Variants in HS3ST5 observed in about 807,000 individuals in gnomAD.
The protein encoded by HS3ST5 is heparan sulfate glucosamine 3-O-sulfotransferase 5.
HS3ST5 carries 10 observed loss-of-function variants against 25.4 expected under a neutral mutation model. That is an observed-to-expected ratio of 0.39 (90% CI 0.24 to 0.67). HS3ST5 has a LOEUF of 0.67. HS3ST5 is among the 30% of genes least tolerant of loss of function. The pLI is 0.44. For missense variants in HS3ST5, 324 were observed against 420.7 expected (o/e 0.77, Z 2.01); for synonymous variants, 170 against 162.4 (o/e 1.05, Z -0.36).
chr6:114,110,741 G>A (rs1448671043), intron 3 of HS3ST5, among the ~76,000 whole-genome samples: 1 of 152,122 alleles, frequency 6.6e-6, no homozygotes, highest in Non-Finnish European at 1.5e-5. Context: ...AGACAGGTGA[G>A]GCTATTAAAA....
intron 2 of HS3ST5, among the ~76,000 whole-genome samples, chr6:114,194,408 G>A (rs539290171): frequency 2.4e-4 from 36 of 152,238 alleles, no homozygotes; most frequent in African/African-American, 8.2e-4. Context: ...ATGGGAGGTC[G>A]GACACACTTT....
intron 1 of HS3ST5, among the ~76,000 whole-genome samples, chr6:114,295,565 CA>C (rs1357438934): frequency 6.6e-6 from 1 of 152,170 alleles, no homozygotes; most frequent in African/African-American, 2.4e-5. Flanking sequence ...ACTGCTGCTT[CA>C]AACGTCAGAT....
intron 1 of HS3ST5, among the ~76,000 whole-genome samples, chr6:114,255,963 T>C (rs1372449750): frequency 6.6e-6 from 1 of 152,240 alleles, no homozygotes. Flanking sequence ...TGCAAATTTA[T>C]GCAGCTGGCT....
In HS3ST5 at chr6:114,058,088, C is replaced by T. The variant is rs1205965764; in HGVS notation, c.210G>A (p.Glu70=). The change falls in exon 5 of 5, where the codon GAG becomes GAA. Residue 70 remains glutamate, a synonymous_variant. Coordinates refer to ENST00000312719, the MANE Select transcript of HS3ST5 (RefSeq NM_153612.4). ...CCTTGGAAGCGTTGCCCTTCCGGAACTCGTGCAGCAGGCCACGCTTAAACT... is the reference window on the plus strand; with the variant it reads ...CCTTGGAAGCGTTGCCCTTCCGGAATTCGTGCAGCAGGCCACGCTTAAACT... The part of the protein sequence containing the change: ...ALQFKRGLLH[E]FRKGNASKEQ... 2.5e-6 allele frequency: 4 copies of T among 1,614,058 alleles called. No individual in the cohort carries two copies. The highest frequency in any genetic ancestry group is 1.3e-5 in the African/African-American group (1 of 74,918).
Position 114,222,237 on chromosome 6 carries a change from G to C in HS3ST5, c.-145+6348C>G, listed in dbSNP as rs113707039. Among the ~76,000 whole-genome samples, 298 of 151,778 alleles carry C rather than the reference G, an allele frequency of 2.0e-3. 6 individuals carry two copies. Among genetic ancestry groups the C allele is most frequent in the East Asian group, 0.014 (73 of 5,180 alleles). On this transcript the variant is annotated intron_variant, in intron 2 of 4. Transcript: ENST00000312719. ...TTTCTTTCTTTTATACCTTATTGTAGTCCATAATGCCACATAATTCATTTA... is the reference window on the plus strand; with the variant it reads ...TTTCTTTCTTTTATACCTTATTGTACTCCATAATGCCACATAATTCATTTA...
At chr6:114,279,953 G>A (rs950714640) in intron 1 of HS3ST5, among the ~76,000 whole-genome samples, 1 of 151,962 alleles carries the variant, frequency 6.6e-6, no homozygotes, top group Non-Finnish European at 1.5e-5. Context: ...ATACAGATCA[G>A]AAATGGGCAG....
At chr6:114,085,933 T>TCCCC (rs1774779424) in intron 3 of HS3ST5, among the ~76,000 whole-genome samples, 1 of 71,030 alleles carries the variant, frequency 1.4e-5, no homozygotes, top group Non-Finnish European at 3.0e-5. Flanking sequence ...ATAAATTCAT[T>TCCCC]GCCCCCCCCC....
intron 3 of HS3ST5, among the ~76,000 whole-genome samples, chr6:114,116,521 A>C (rs1776535541): frequency 6.6e-6 from 1 of 152,134 alleles, no homozygotes. Context: ...AGGTCTCCAA[A>C]TCCATTTACC....
intron 3 of HS3ST5, among the ~76,000 whole-genome samples, chr6:114,086,545 A>G (rs985084551): frequency 6.6e-6 from 1 of 152,182 alleles, no homozygotes; most frequent in Non-Finnish European, 1.5e-5. Flanking sequence ...TCCACCTGAC[A>G]GCTTGATTTC....
At chr6:114,170,636 T>G (rs1779436569) in intron 2 of HS3ST5, among the ~76,000 whole-genome samples, 1 of 152,096 alleles carries the variant, frequency 6.6e-6, no homozygotes, top group African/African-American at 2.4e-5. Context: ...CTGACAACCA[T>G]GACCTGAGAA....
intron 2 of HS3ST5, among the ~76,000 whole-genome samples, chr6:114,182,170 C>T (rs1429484064): frequency 6.6e-6 from 1 of 151,952 alleles, no homozygotes; most frequent in Non-Finnish European, 1.5e-5. Flanking sequence ...TAGTGTTTCA[C>T]ATAATTATTT....
At chr6:114,059,795 C>T (rs1041633043) in intron 4 of HS3ST5, 9 of 152,208 alleles carry the variant, frequency 5.9e-5, no homozygotes, top group Non-Finnish European at 8.8e-5. Flanking sequence ...ATTACTCAGT[C>T]TCAGGTATGT....
chr6:114,213,707 T>C (rs1781620872), intron 2 of HS3ST5, among the ~76,000 whole-genome samples: 1 of 152,074 alleles, frequency 6.6e-6, no homozygotes, highest in Non-Finnish European at 1.5e-5. Flanking sequence ...GAGGACAAGG[T>C]AAAACACGTG....
chr6:114,066,586 T>C (rs571487585), intron 3 of HS3ST5, among the ~76,000 whole-genome samples: 33 of 152,250 alleles, frequency 2.2e-4, no homozygotes, highest in African/African-American at 7.5e-4. Flanking sequence ...TGAACCAAGA[T>C]TGTGCCACTG....
intron 3 of HS3ST5, among the ~76,000 whole-genome samples, chr6:114,138,789 T>C (rs1299142752): frequency 1.3e-5 from 2 of 152,174 alleles, no homozygotes; most frequent in Non-Finnish European, 2.9e-5. Flanking sequence ...TATAACAAAA[T>C]AATGTGGACT....
intron 1 of HS3ST5, among the ~76,000 whole-genome samples, chr6:114,337,590 T>C (rs1776659124): frequency 6.6e-6 from 1 of 152,208 alleles, no homozygotes; most frequent in Admixed American, 6.5e-5. Flanking sequence ...CATTAAAAAC[T>C]ACATTAAGTT....
intron 3 of HS3ST5, among the ~76,000 whole-genome samples, chr6:114,089,916 T>C (rs2114790447): frequency 6.6e-6 from 1 of 152,346 alleles, no homozygotes; most frequent in Non-Finnish European, 1.5e-5. Flanking sequence ...TTATCTAATA[T>C]AACAATAATC....
At chr6:114,169,269 A>G (rs1261660306) in intron 2 of HS3ST5, among the ~76,000 whole-genome samples, 1 of 152,040 alleles carries the variant, frequency 6.6e-6, no homozygotes, top group African/African-American at 2.4e-5. Context: ...TGGATCTATT[A>G]TATGCAAATA....
chr6:114,249,852 C>A (rs1772567248), intron 1 of HS3ST5, among the ~76,000 whole-genome samples: 1 of 152,116 alleles, frequency 6.6e-6, no homozygotes, highest in East Asian at 1.9e-4. Flanking sequence ...TCCAGACACA[C>A]AAATTTCTCA....
Sources: allele counts gnomAD v4.1 joint callset (sites outside exome capture counted in the v4.1 genomes callset), GRCh38; gene constraint gnomAD v4.1.1; transcripts MANE v1.5; gene names NCBI Gene and HGNC (gene_info 2026-07-23, HGNC 2026-07-21).